SULT1C3: variants seen among roughly 807,000 people sequenced by gnomAD.
SULT1C3 encodes the protein sulfotransferase family 1C member 3.
Under a neutral mutation model 28.4 loss-of-function variants are expected in SULT1C3, and 31 were observed. That is an observed-to-expected ratio of 1.09 (90% CI 0.82 to 1.47). SULT1C3 has a LOEUF of 1.47. SULT1C3 is among the 40% of genes most tolerant of loss of function. The pLI, the probability that SULT1C3 is intolerant of heterozygous loss-of-function variation, is 0.00. For missense variants in SULT1C3, 307 were observed against 272.5 expected (o/e 1.13, Z -0.89); for synonymous variants, 106 against 92.2 (o/e 1.15, Z -0.86).
chr2:108,252,651 T>G (rs985666731), intron 3 of SULT1C3, among the ~76,000 whole-genome samples, 158 bp downstream of exon 3: 1 of 152,058 alleles, frequency 6.6e-6, no homozygotes, highest in African/African-American at 2.4e-5. Context: ...AGATTGGGTC[T>G]TCAGGGCTTC....
intron 3 of SULT1C3, 65 bp from the exon 4 acceptor site, chr2:108,253,280 A>G (rs1242797186): frequency 5.8e-6 from 6 of 1,037,712 alleles, no homozygotes; most frequent in Non-Finnish European, 8.1e-6. Flanking sequence ...AAAGATATAA[A>G]TGGAATTCAA....
intron 1 of SULT1C3, among the ~76,000 whole-genome samples, chr2:108,243,911 G>C (rs1558660817): frequency 2.0e-5 from 3 of 152,206 alleles, no homozygotes; most frequent in Admixed American, 1.3e-4. Context: ...TAAAAAGGCT[G>C]AGAGTAAAGT....
intron 2 of SULT1C3, among the ~76,000 whole-genome samples, chr2:108,251,794 C>T (rs535879851): frequency 6.6e-6 from 1 of 151,858 alleles, no homozygotes; most frequent in East Asian, 1.9e-4. Context: ...AGTAATGCAG[C>T]CAATACATCT....
At chr2:108,244,461 G>T (rs913531362) in intron 1 of SULT1C3, among the ~76,000 whole-genome samples, 4 of 152,080 alleles carry the variant, frequency 2.6e-5, no homozygotes, top group Non-Finnish European at 4.4e-5. Flanking sequence ...TCTTCCTATT[G>T]GGAATGGTGT....
At chr2:108,256,054 A>T (rs1043644502) in intron 5 of SULT1C3, among the ~76,000 whole-genome samples, 2 of 152,018 alleles carry the variant, frequency 1.3e-5, no homozygotes, top group African/African-American at 4.8e-5. Flanking sequence ...GTGTGATTGG[A>T]TGGCCAGACC....
chr2:108,258,854 C>T, intron 6 of SULT1C3, 26 bp downstream of exon 6: 1 of 1,561,790 alleles, frequency 6.4e-7, no homozygotes, highest in Non-Finnish European at 8.8e-7. Context: ...ACTTATAGGT[C>T]AGACCCAGAA....
At chr2:108,265,177 G>T, downstream of SULT1C3, 1 of 1,523,588 alleles carries the variant, frequency 6.6e-7, no homozygotes, top group Non-Finnish European at 9.0e-7. Flanking sequence ...GGGGTCCTAA[G>T]GGTGCATGCT....
At chr2:108,254,929 T>C (rs1010786641) in intron 4 of SULT1C3, among the ~76,000 whole-genome samples, 3 of 151,794 alleles carry the variant, frequency 2.0e-5, no homozygotes, top group Non-Finnish European at 4.4e-5. Flanking sequence ...ATCAAGGAAC[T>C]AGCTCTGGAC....
intron 2 of SULT1C3, 41 bp downstream of exon 2, chr2:108,247,407 T>C: frequency 6.9e-7 from 1 of 1,447,628 alleles, no homozygotes; most frequent in African/African-American, 1.4e-5. Flanking sequence ...TATTTTCACG[T>C]GAAATTATTG....
chr2:108,241,892 A>G (rs1224598794), intron 1 of SULT1C3, among the ~76,000 whole-genome samples: 1 of 147,076 alleles, frequency 6.8e-6, no homozygotes, highest in Non-Finnish European at 1.5e-5. Context: ...GCGCCACTGC[A>G]CTCCAGCCTG....
downstream of SULT1C3, among the ~76,000 whole-genome samples, chr2:108,261,894 T>TA (rs1305961945): frequency 2.6e-5 from 4 of 152,078 alleles, no homozygotes; most frequent in South Asian, 8.3e-4. Context: ...AACTCAAAGG[T>TA]AAAAAATAGA....
chr2:108,254,795 G>GCA (rs1459227309), intron 4 of SULT1C3, among the ~76,000 whole-genome samples: 5 of 149,920 alleles, frequency 3.3e-5, no homozygotes, highest in African/African-American at 7.3e-5. Context: ...ATATATGTAT[G>GCA]TATGCATATA....
intron 1 of SULT1C3, among the ~76,000 whole-genome samples, chr2:108,242,711 T>C (rs1675493077): frequency 6.6e-6 from 1 of 152,174 alleles, no homozygotes; most frequent in South Asian, 2.1e-4. Context: ...GAGGAAACTA[T>C]CTACTTTTAA....
downstream of SULT1C3, chr2:108,264,822 C>CTGTT (rs1558668537): frequency 6.2e-7 from 1 of 1,604,200 alleles, no homozygotes; most frequent in South Asian, 1.1e-5. Flanking sequence ...GTTCCACATA[C>CTGTT]AGGACCCAAA....
chr2:108,254,762 T>C (rs1675822942), intron 4 of SULT1C3, among the ~76,000 whole-genome samples: 1 of 150,722 alleles, frequency 6.6e-6, no homozygotes, highest in South Asian at 2.1e-4. Flanking sequence ...TGTATGTATA[T>C]ATGTATGTAT....
intron 5 of SULT1C3, 37 bp from the exon 6 acceptor site, chr2:108,258,697 C>T: frequency 6.6e-7 from 1 of 1,520,080 alleles, no homozygotes; most frequent in Non-Finnish European, 9.1e-7. Context: ...GGTTTTGTCC[C>T]AGTACTGGGA....
chr2:108,252,584 G>A (rs534026088), intron 3 of SULT1C3, 91 bp downstream of exon 3: 2 of 1,454,806 alleles, frequency 1.4e-6, no homozygotes, highest in African/African-American at 1.4e-5. Context: ...GTGGTAGCCA[G>A]AAGTAGCCTG....
downstream of SULT1C3, among the ~76,000 whole-genome samples, chr2:108,263,923 G>A (rs1319007309): frequency 1.3e-5 from 2 of 152,144 alleles, no homozygotes; most frequent in Non-Finnish European, 2.9e-5. Context: ...CCTGGCACTT[G>A]TAAGCCAGAT....
downstream of SULT1C3, chr2:108,265,239 G>A: frequency 6.2e-7 from 1 of 1,613,110 alleles, no homozygotes; most frequent in South Asian, 1.1e-5. Flanking sequence ...CTTGTTTCAG[G>A]GATGCCTGGA....
Sources: allele counts gnomAD v4.1 joint callset (sites outside exome capture counted in the v4.1 genomes callset), GRCh38; gene constraint gnomAD v4.1.1; transcripts MANE v1.5; gene names NCBI Gene and HGNC (gene_info 2026-07-23, HGNC 2026-07-21).